Variants in PREPL observed in about 807,000 individuals in gnomAD.
The protein encoded by PREPL is prolyl endopeptidase like, also known as prolyl endopeptidase-like.
A neutral mutation model predicts 70.6 loss-of-function variants in PREPL; 77 were observed. The observed-to-expected ratio is 1.09, with a 90% CI of 0.91 to 1.32. The LOEUF (loss-of-function observed/expected upper bound fraction) is 1.32. Ranked by LOEUF, PREPL falls within the 40% of genes most tolerant of loss-of-function variation. PREPL has a pLI of 0.00. For missense variants in PREPL, 1,002 were observed against 778.2 expected (o/e 1.29, Z -3.42); for synonymous variants, 315 against 264.8 (o/e 1.19, Z -1.84).
intron 7 of PREPL, among the ~76,000 whole-genome samples, chr2:44,336,596 G>A (rs557704511): frequency 7.2e-5 from 11 of 152,100 alleles, no homozygotes; most frequent in Admixed American, 5.2e-4. Context: ...TATTACCTGG[G>A]TGACAAAATA....
chr2:44,351,645 A>G (rs79254099), intron 1 of PREPL, among the ~76,000 whole-genome samples: 29 of 152,326 alleles, frequency 1.9e-4, no homozygotes, highest in African/African-American at 7.0e-4. Context: ...TGCCACAAAC[A>G]ACTGGTCTGC....
Position 44,318,172 on chromosome 2 carries a change from C to A in PREPL, c.*3184G>T, listed in dbSNP as rs1672594441. On this transcript the variant is annotated 3_prime_UTR_variant, in exon 14 of 14. Transcript: ENST00000409411. ...GTGGCGTGATCTCGGCACACTGCAG[C>A]CTCTGCTTCCTGGGTTCAAGTGATT... 2.3e-6 allele frequency: 1 copy of A among 432,376 alleles called. No individual in the cohort carries two copies. The highest frequency in any genetic ancestry group is 4.6e-6 in the Non-Finnish European group (1 of 215,746). 26.8% of individuals were successfully genotyped at this position (432,376 alleles called of 1,614,324 possible).
rs1558474415 is a variant in PREPL at position 44,318,499 on chromosome 2, G to C, written c.*2857C>G. Reference sequence around the variant, plus strand: ...CAGTATGCAGCTTTTAAAAATGACAGTTCTATATACATTGATATGAGACCA... The same window carrying C: ...CAGTATGCAGCTTTTAAAAATGACACTTCTATATACATTGATATGAGACCA... On this transcript the variant is annotated 3_prime_UTR_variant, in exon 14 of 14. Transcript: ENST00000409411. The C allele has an allele frequency of 6.2e-6, 1 of 161,772 alleles. No individual in the cohort carries two copies. The highest frequency in any genetic ancestry group is 1.4e-5 in the Non-Finnish European group (1 of 73,542). 10.0% of individuals were successfully genotyped at this position (161,772 alleles called of 1,614,324 possible). A position where few individuals can be genotyped will look rare whatever the true frequency, so the allele number is the denominator to read the frequency against.
intron 8 of PREPL, 76 bp from the exon 9 acceptor site, chr2:44,329,188 T>C (rs893181785): frequency 2.5e-6 from 3 of 1,223,712 alleles, no homozygotes; most frequent in Non-Finnish European, 3.5e-6. Context: ...TAAAATACAT[T>C]GAGGTGCACT....
chr2:44,329,147 A>G, intron 8 of PREPL, 35 bp from the exon 9 acceptor site: 2 of 1,514,868 alleles, frequency 1.3e-6, no homozygotes, highest in Non-Finnish European at 1.8e-6. Flanking sequence ...TGTAAAGAAG[A>G]GTCTTTTATA....
rs1253975822 is a variant in PREPL at position 44,323,301 on chromosome 2, G to C, written c.1590C>G (p.Tyr530Ter). Reference protein sequence around the residue: ...NPSSDEKHKNYIKRYCPYQNI... With the variant: ...NPSSDEKHKN ...TTTGATAGGGACAGTAACGTTTTAT[G>C]TAGTTCTTGTGTTTTTCATCAGATG... is the stretch of plus-strand genomic sequence containing the variant. Residue 530 changes from tyrosine to a stop codon, truncating the protein, a stop_gained, in exon 11 of 14, where the codon TAC becomes TAG. Coordinates refer to ENST00000409411, the MANE Select transcript of PREPL (RefSeq NM_001171613.2). LOFTEE classifies it high-confidence loss of function. The C allele has an allele frequency of 1.2e-6, 2 of 1,607,598 alleles. No homozygotes were observed. The highest frequency in any genetic ancestry group is 1.7e-6 in the Non-Finnish European group (2 of 1,175,292).
intron 7 of PREPL, among the ~76,000 whole-genome samples, chr2:44,335,444 T>C (rs913961947): frequency 2.6e-5 from 4 of 152,150 alleles, no homozygotes; most frequent in African/African-American, 9.7e-5. Context: ...GCTCCACCAG[T>C]TTCCCAACTG....
chr2:44,329,496 C>A (rs1281143016), intron 8 of PREPL, among the ~76,000 whole-genome samples: 1 of 152,082 alleles, frequency 6.6e-6, no homozygotes, highest in Non-Finnish European at 1.5e-5. Flanking sequence ...TGCCTAAGAG[C>A]TAGATATTGG....
chr2:44,339,273 ATCTATCAACCACACTTCAGAAGTAGT>A lies in PREPL; in HGVS notation c.550_575del (p.Thr184TrpfsTer23). The A allele has an allele frequency of 6.2e-7, 1 of 1,614,150 alleles. No homozygotes were observed. Among genetic ancestry groups the A allele is most frequent in the East Asian group, 2.2e-5 (1 of 44,878 alleles). The stretch of plus-strand genomic sequence containing the variant: ...CTGGTGGGTCCCAAGGGCTCAGGCC[ATCTATCAACCACACTTCAGAAGTAGT>A]CTTGTTCATAATATTTATGGTGAGG... On this transcript the variant is annotated frameshift_variant, in exon 6 of 14. Transcript: ENST00000409411. LOFTEE classifies it high-confidence loss of function.
chr2:44,319,205 TAAC>T lies in PREPL; in HGVS notation c.*2148_*2150del, dbSNP rs1672706563. The stretch of plus-strand genomic sequence containing the variant: ...TTGGGAACCTACCCCTAAAGAACAA[TAAC>T]AACCACAATAACAACTATCACCCCA... On this transcript the variant is annotated 3_prime_UTR_variant, in exon 14 of 14. Coordinates refer to ENST00000409411, the MANE Select transcript of PREPL (RefSeq NM_001171613.2). The T allele has an allele frequency of 6.6e-6, 1 of 152,560 alleles. No individual in the cohort carries two copies. The highest frequency in any genetic ancestry group is 1.5e-5 in the Non-Finnish European group (1 of 68,000). 9.5% of individuals were successfully genotyped at this position (152,560 alleles called of 1,614,324 possible). A position where few individuals can be genotyped will look rare whatever the true frequency, so the allele number is the denominator to read the frequency against.
In PREPL at chr2:44,339,184, T is replaced by C; in HGVS notation, c.665A>G (p.Tyr222Cys). The change falls in exon 6 of 14, where the codon TAC (tyrosine) becomes TGC (cysteine). Residue 222 changes from tyrosine to cysteine, a missense_variant. Physicochemically the swap from Tyr to Cys is radical, Grantham distance 194 (BLOSUM62 -2). Transcript: ENST00000409411. Reference sequence around the variant, plus strand: ...AGGTTCTCCAACATTAGTGAGAATGTATAATTCATCATCTCTGTGTTCAAC... The same window carrying C: ...AGGTTCTCCAACATTAGTGAGAATGCATAATTCATCATCTCTGTGTTCAAC... ...YYVEHRDDEL[Y>C]ILTNVGEPTE... The C allele has an allele frequency of 6.2e-7, 1 of 1,614,070 alleles. No individual in the cohort carries two copies. The highest frequency in any genetic ancestry group is 8.5e-7 in the Non-Finnish European group (1 of 1,179,944).
chr2:44,318,079 A>AC lies in PREPL; in HGVS notation c.*3276_*3277insG, dbSNP rs753832264. 6.8e-6 allele frequency: 3 copies of AC among 438,550 alleles called. No homozygotes were observed. The highest frequency in any genetic ancestry group is 4.8e-5 in the South Asian group (3 of 63,074). 27.2% of individuals were successfully genotyped at this position (438,550 alleles called of 1,614,324 possible). On this transcript the variant is annotated 3_prime_UTR_variant, in exon 14 of 14. Coordinates refer to ENST00000409411, the MANE Select transcript of PREPL (RefSeq NM_001171613.2). Reference sequence around the variant, plus strand: ...TTTGCACATGTGCACAATAATACTTAAAGGATCTCAACACTGTTTTTTTTT... The same window carrying AC: ...TTTGCACATGTGCACAATAATACTTACAAGGATCTCAACACTGTTTTTTTTT...
chr2:44,354,113 G>A (rs1398575961), intron 1 of PREPL, among the ~76,000 whole-genome samples: 1 of 152,046 alleles, frequency 6.6e-6, no homozygotes, highest in Non-Finnish European at 1.5e-5. Context: ...CCATGTTTGT[G>A]CCTCTGCACT....
chr2:44,347,882 C>A lies in PREPL; in HGVS notation c.-48-1492G>T, dbSNP rs1164857740. Among the ~76,000 whole-genome samples, 7 of 151,988 alleles carry A rather than the reference C, an allele frequency of 4.6e-5. 1 individual carries two copies. Among genetic ancestry groups the A allele is most frequent in the Non-Finnish European group, 1.0e-4 (7 of 67,996 alleles). ...AGAGTTTACAATCTAAAATTAAACACAAGAATATAACGGAAAAATCACCAA... is the reference window on the plus strand; with the variant it reads ...AGAGTTTACAATCTAAAATTAAACAAAAGAATATAACGGAAAAATCACCAA... On this transcript the variant is annotated intron_variant, in intron 1 of 13. Transcript: ENST00000409411.
rs181638774 is a variant in PREPL, at chr2:44,324,277, G to A, written c.1480-866C>T. On this transcript the variant is annotated intron_variant, in intron 10 of 13. Transcript: ENST00000409411. ...GAAGCAAATGGAGAGCTGTTTAATC[G>A]GTACAGGGTTTCAGTTTTGTTAAGA... Among the ~76,000 whole-genome samples, 324 of 152,252 alleles carry A rather than the reference G, an allele frequency of 2.1e-3. 7 individuals carry two copies. Among genetic ancestry groups the A allele is most frequent in the Admixed American group, 0.019 (292 of 15,280 alleles).
chr2:44,343,532 T>C (rs190320974), intron 4 of PREPL, among the ~76,000 whole-genome samples: 1 of 152,294 alleles, frequency 6.6e-6, no homozygotes, highest in Admixed American at 6.5e-5. Flanking sequence ...TATAACACTT[T>C]TAAAAACATG....
chr2:44,324,231 C>G (rs1041812164), intron 10 of PREPL, among the ~76,000 whole-genome samples: 7 of 152,154 alleles, frequency 4.6e-5, no homozygotes, highest in Non-Finnish European at 8.8e-5. Context: ...GTCAAATTCA[C>G]AGAGACAGAG....
intron 1 of PREPL, among the ~76,000 whole-genome samples, chr2:44,355,751 T>TTATATATATATATATATACA (rs1676962745): frequency 6.4e-5 from 9 of 141,380 alleles, no homozygotes; most frequent in African/African-American, 2.1e-4. Context: ...AAACTACATA[T>TTATATATATATATATATACA]TATATATATA....
At chr2:44,329,341 G>C (rs1257255185) in intron 8 of PREPL, among the ~76,000 whole-genome samples, 1 of 152,068 alleles carries the variant, frequency 6.6e-6, no homozygotes, top group Non-Finnish European at 1.5e-5. Context: ...CAGCAAGACT[G>C]GCCTGAAAAC....
Sources: gnomAD v4.1 joint callset for allele counts (sites outside exome capture counted in the v4.1 genomes callset) on GRCh38, gnomAD v4.1.1 for gene constraint, MANE v1.5 for transcripts, NCBI Gene and HGNC (gene_info 2026-07-23, HGNC 2026-07-21) for gene names.